The following OPTC variants were observed in gnomAD, a reference collection of about 807,000 sequenced individuals.
OPTC encodes oculoglycan.
Under a neutral mutation model 25.4 loss-of-function variants are expected in OPTC, and 22 were observed. The observed-to-expected ratio is 0.87, with a 90% CI of 0.62 to 1.24. The LOEUF is 1.24. Ranked by LOEUF, OPTC falls within the 50% of genes most tolerant of loss-of-function variation. The pLI is 0.00. For missense variants in OPTC, 417 were observed against 425.2 expected (o/e 0.98, Z 0.17); for synonymous variants, 169 against 179.3 (o/e 0.94, Z 0.46).
intron 7 of OPTC, 72 bp from the exon 8 acceptor site, chr1:203,508,573 TC>T (rs1661538696): frequency 8.8e-6 from 1 of 114,166 alleles, no homozygotes; most frequent in Non-Finnish European, 1.8e-5. Flanking sequence ...AGCTTTCTCC[TC>T]CCACCTCACC....
rs1558236662 is a variant in OPTC, at chr1:203,496,132, G to T, written c.127G>T (p.Val43Phe). The change falls in exon 2 of 8, where the codon GTT (valine) becomes TTT (phenylalanine). Residue 43 changes from valine to phenylalanine, a missense_variant. By Grantham distance (50) the Val-to-Phe change is conservative. Transcript: ENST00000367222. ...GCCCAGGGAAGGCGATTCCTTTGAA[G>T]TTCTGCCTCTGCGGAATGATGTCCT... is the stretch of plus-strand genomic sequence containing the variant. ...QMPREGDSFE[V>F]LPLRNDVLNP... The T allele has an allele frequency of 6.2e-7, 1 of 1,614,172 alleles. No individual in the cohort carries two copies. Among genetic ancestry groups the T allele is most frequent in the Non-Finnish European group, 8.5e-7 (1 of 1,180,026 alleles).
intron 5 of OPTC, among the ~76,000 whole-genome samples, chr1:203,501,368 T>C (rs979655324): frequency 6.6e-6 from 1 of 152,138 alleles, no homozygotes; most frequent in African/African-American, 2.4e-5. Context: ...CCCGAAGAGC[T>C]GGGATGGCAA....
intron 7 of OPTC, among the ~76,000 whole-genome samples, chr1:203,508,149 C>T (rs534016538): frequency 6.6e-6 from 1 of 152,328 alleles, no homozygotes; most frequent in African/African-American, 2.4e-5. Flanking sequence ...GGGGGTGGAG[C>T]TGCAGTGACA....
intron 3 of OPTC, 84 bp downstream of exon 3, chr1:203,497,199 A>G: frequency 6.6e-7 from 1 of 1,522,954 alleles, no homozygotes; most frequent in Non-Finnish European, 9.0e-7. Flanking sequence ...ACCAAAGTGG[A>G]ACGTGGTTGG....
chr1:203,503,024 C>G lies in OPTC; in HGVS notation c.828+15C>G. ...TACACCTGCAGGTAAGGAGCACCAC[C>G]CAGAGCAAGGGTGATAAACAGCGTG... is the stretch of plus-strand genomic sequence containing the variant. On this transcript the variant is annotated intron_variant, in intron 6 of 7. Coordinates refer to ENST00000367222, the MANE Select transcript of OPTC (RefSeq NM_014359.4). 3 of 1,597,940 alleles carry G rather than the reference C, an allele frequency of 1.9e-6. No individual in the cohort carries two copies. Among genetic ancestry groups the G allele is most frequent in the Admixed American group, 1.7e-5 (1 of 59,984 alleles).
In OPTC at chr1:203,502,960, A is replaced by G; in HGVS notation, c.779A>G (p.Asp260Gly). The change falls in exon 6 of 8, where the codon GAT (aspartate) becomes GGT (glycine). Residue 260 changes from aspartate to glycine, a missense_variant. Physicochemically the swap from Asp to Gly is moderately conservative, Grantham distance 94 (BLOSUM62 -1). Transcript: ENST00000367222. Reference protein sequence around the residue: ...QFLYLSDNLLDSIPGPLPLSL... With the variant: ...QFLYLSDNLLGSIPGPLPLSL... ...CTTTACCTGTCAGACAACCTGCTGG[A>G]TTCTATCCCGGGGCCTTTGCCCCTG... 1 of 1,613,932 alleles carries G rather than the reference A, an allele frequency of 6.2e-7. No individual in the cohort carries two copies. Among genetic ancestry groups the G allele is most frequent in the Non-Finnish European group, 8.5e-7 (1 of 1,180,030 alleles).
At chr1:203,505,959 T>G (rs1262544380) in intron 7 of OPTC, among the ~76,000 whole-genome samples, 1 of 151,596 alleles carries the variant, frequency 6.6e-6, no homozygotes, top group Non-Finnish European at 1.5e-5. Flanking sequence ...AGAGTGTGTG[T>G]GTGTGTGTGT....
intron 5 of OPTC, among the ~76,000 whole-genome samples, chr1:203,501,548 C>G (rs2102223070): frequency 6.6e-6 from 1 of 152,378 alleles, no homozygotes; most frequent in Admixed American, 6.5e-5. Context: ...CTCTCTTTCT[C>G]TCTCTGTCTC....
chr1:203,500,011 A>ACCTCCACCACACACCTCCAC (rs1661351748), intron 5 of OPTC, among the ~76,000 whole-genome samples, 160 bp downstream of exon 5: 1 of 68,716 alleles, frequency 1.5e-5, no homozygotes, highest in Non-Finnish European at 2.9e-5. Context: ...ACCCACTTCC[A>ACCTCCACCACACACCTCCAC]CACCTACCAC....
At position 203,495,520 on chromosome 1, in the gene OPTC, A is replaced by C. The variant is rs140944271; in HGVS notation, c.-41-445A>C. 5.0e-3 allele frequency among the ~76,000 whole-genome samples: 764 copies of C among 152,346 alleles called. 6 individuals carry two copies. Among genetic ancestry groups the C allele is most frequent in the African/African-American group, 0.018 (731 of 41,580 alleles). On this transcript the variant is annotated intron_variant, in intron 1 of 7. Coordinates refer to ENST00000367222, the MANE Select transcript of OPTC (RefSeq NM_014359.4). ...AACAAGAATGAAACTTCGTCTCAAA[A>C]AAACAAACAAACAAAAAGACCCCAT...
At position 203,498,788 on chromosome 1, in the gene OPTC, G is replaced by T. The variant is rs1558237513; in HGVS notation, c.478G>T (p.Ala160Ser). Residue 160 changes from alanine to serine, a missense_variant, in exon 4 of 8, where the codon GCA becomes TCA. Coordinates refer to ENST00000367222, the MANE Select transcript of OPTC (RefSeq NM_014359.4). The stretch of plus-strand genomic sequence containing the variant: ...TCCTCGGAGGACTGCCTACCTGTAT[G>T]CACGCTTCAACCGCATCAGCCGTAT... ...PLPRRTAYLY[A>S]RFNRISRIRA... is the part of the protein sequence containing the mutation. 1 of 1,614,080 alleles carries T rather than the reference G, an allele frequency of 6.2e-7. No individual in the cohort carries two copies. The highest frequency in any genetic ancestry group is 8.5e-7 in the Non-Finnish European group (1 of 1,180,026).
intron 2 of OPTC, among the ~76,000 whole-genome samples, chr1:203,496,527 G>A (rs986164626): frequency 2.0e-5 from 3 of 152,162 alleles, no homozygotes; most frequent in African/African-American, 7.2e-5. Context: ...GGAAATAAAA[G>A]TGCCACATCC....
intron 1 of OPTC, 45 bp downstream of exon 1, chr1:203,494,262 G>C (rs1166668142): frequency 6.6e-6 from 1 of 152,054 alleles, no homozygotes; most frequent in African/African-American, 2.4e-5. Context: ...GCGCAAATGA[G>C]GGCAAAGTGT....
At chr1:203,505,040 G>A (rs1661456433) in intron 7 of OPTC, among the ~76,000 whole-genome samples, 1 of 152,158 alleles carries the variant, frequency 6.6e-6, no homozygotes, top group Non-Finnish European at 1.5e-5. Context: ...CCGTTATAAG[G>A]AGGCTTTGGG....
In OPTC at chr1:203,495,964, G is replaced by A. The variant is rs1661271182; in HGVS notation, c.-41-1G>A. The stretch of plus-strand genomic sequence containing the variant: ...TGCCCTTCCTCGTGCCCACTTGCCA[G>A]GACCAGCCGCTGAAGGGATTCTCAG... On this transcript the variant is annotated splice_acceptor_variant, in intron 1 of 7. Transcript: ENST00000367222. LOFTEE classifies it low-confidence loss of function (5UTR_SPLICE). 1.4e-6 allele frequency: 2 copies of A among 1,452,124 alleles called. No homozygotes were observed. The highest frequency in any genetic ancestry group is 1.9e-6 in the Non-Finnish European group (2 of 1,049,244). The allele number at this position is 1,452,124 out of a possible 1,614,324, so 90.0% of individuals were successfully genotyped here.
At chr1:203,503,358 C>A (rs1260297617) in intron 6 of OPTC, among the ~76,000 whole-genome samples, 192 bp from the exon 7 acceptor site, 1 of 152,024 alleles carries the variant, frequency 6.6e-6, no homozygotes, top group African/African-American at 2.4e-5. Context: ...TTCATCTGTG[C>A]CCTCTCTCTC....
At chr1:203,495,857 G>A (rs1333528155) in intron 1 of OPTC, 108 bp from the exon 2 acceptor site, 1 of 684,494 alleles carries the variant, frequency 1.5e-6, no homozygotes, top group South Asian at 1.6e-5. Flanking sequence ...AGAGCACTGA[G>A]TCTGCAAGTG....
At chr1:203,504,809 T>C (rs1043166832) in intron 7 of OPTC, among the ~76,000 whole-genome samples, 5 of 152,262 alleles carry the variant, frequency 3.3e-5, no homozygotes, top group African/African-American at 1.2e-4. Flanking sequence ...GGTTCCTGGC[T>C]ACTGGGGTTT....
At position 203,498,295 on chromosome 1, in the gene OPTC, G is replaced by C. The variant is rs747673; in HGVS notation, c.371-386G>C. On this transcript the variant is annotated intron_variant, in intron 3 of 7. Coordinates refer to ENST00000367222, the MANE Select transcript of OPTC (RefSeq NM_014359.4). ...TTTCTCTTCCCCAAGGCAGATGGCA[G>C]AGCCAGCAACCACTGGCCATCCCAC... Among the ~76,000 whole-genome samples, 1,265 of 152,330 alleles carry C rather than the reference G, an allele frequency of 8.3e-3. 25 individuals carry two copies. Among genetic ancestry groups the C allele is most frequent in the African/African-American group, 0.029 (1,220 of 41,576 alleles).
Sources: gnomAD v4.1 joint callset for allele counts (sites outside exome capture counted in the v4.1 genomes callset) on GRCh38, gnomAD v4.1.1 for gene constraint, MANE v1.5 for transcripts, NCBI Gene and HGNC (gene_info 2026-07-23, HGNC 2026-07-21) for gene names.